Variants in JAG2 observed in about 807,000 individuals in gnomAD.
The protein encoded by JAG2 is jagged canonical Notch ligand 2.
Under a neutral mutation model 141.7 loss-of-function variants are expected in JAG2, and 46 were observed. The observed-to-expected ratio is 0.32, with a 90% CI of 0.26 to 0.42. The LOEUF is 0.42. Ranked by LOEUF, JAG2 falls within the 10% of genes least tolerant of loss-of-function variation. JAG2 has a pLI of 1.00. For missense variants in JAG2, 1,500 were observed against 1,817.5 expected, an observed-to-expected ratio of 0.83 and a Z score of 3.18; for synonymous variants, 862 against 763.5, an observed-to-expected ratio of 1.13 and a Z score of -2.13.
intron 2 of JAG2, among the ~76,000 whole-genome samples, chr14:105,164,812 G>T (rs909084873): frequency 6.6e-6 from 1 of 152,172 alleles, no homozygotes; most frequent in Admixed American, 6.5e-5. Context: ...ATCTGACTTC[G>T]TGAGACCTGC....
At chr14:105,165,781 C>T (rs1363670388) in intron 2 of JAG2, among the ~76,000 whole-genome samples, 1 of 152,224 alleles carries the variant, frequency 6.6e-6, no homozygotes, top group Non-Finnish European at 1.5e-5. Flanking sequence ...AAAAGCCCCA[C>T]GGGCCTGGGC....
intron 17 of JAG2, 99 bp downstream of exon 17, chr14:105,148,017 G>A (rs1160953181): frequency 3.4e-6 from 4 of 1,167,272 alleles, no homozygotes; most frequent in African/African-American, 1.5e-5. Flanking sequence ...GGTGGCAGGT[G>A]TGGCCCTCAA....
Position 105,151,372 on chromosome 14 carries a change from G to A in JAG2, c.1178C>T (p.Pro393Leu), listed in dbSNP as rs1888425541. ...ALDIDECASN[P>L]CAAGGTCVDQ... ...CACACAGGTGCCACCGGCCGCACAC[G>A]GGTTCGAAGCACACTCATCGATGTC... is the stretch of plus-strand genomic sequence containing the variant. The change falls in exon 9 of 26, where the codon CCG (proline) becomes CTG (leucine). Residue 393 changes from proline (P) to leucine (L), a missense_variant. Pro to Leu is a moderately conservative substitution (Grantham distance 98). Coordinates refer to ENST00000331782, the MANE Select transcript of JAG2 (RefSeq NM_002226.5). 6.2e-7 allele frequency: 1 copy of A among 1,611,760 alleles called. No individual in the cohort carries two copies. Among genetic ancestry groups the A allele is most frequent in the Non-Finnish European group, 8.5e-7 (1 of 1,179,960 alleles).
chr14:105,143,250 G>A, intron 25 of JAG2, 80 bp from the exon 26 acceptor site: 2 of 1,477,344 alleles, frequency 1.4e-6, no homozygotes, highest in Non-Finnish European at 1.8e-6. Flanking sequence ...AGGCCTGGGA[G>A]GGCCCTGCGG....
chr14:105,151,224 C>T, intron 9 of JAG2, 59 bp downstream of exon 9: 1 of 1,524,652 alleles, frequency 6.6e-7, no homozygotes, highest in East Asian at 2.4e-5. Context: ...GCAGCCCCAG[C>T]AGCCCCCGCA....
Position 105,146,433 on chromosome 14 carries a change from T to C in JAG2, c.2661A>G (p.Glu887=). ...TPFPHGSSWV[E]DCNSCRCLDG... ...CCAGGCAGCGGCAGCTGTTGCAGTC[T>C]TCCACCCAGGAGCTTCCGTGTGGGA... The change falls in exon 22 of 26, where the codon GAA becomes GAG. Residue 887 remains glutamate (E), a synonymous_variant. Coordinates refer to ENST00000331782, the MANE Select transcript of JAG2 (RefSeq NM_002226.5). The C allele has an allele frequency of 6.2e-7, 1 of 1,612,690 alleles. No homozygotes were observed. Among genetic ancestry groups the C allele is most frequent in the Non-Finnish European group, 8.5e-7 (1 of 1,179,876 alleles).
In JAG2 at chr14:105,142,011, G is replaced by A. The variant is rs1888071228; in HGVS notation, c.*684C>T. On this transcript the variant is annotated 3_prime_UTR_variant, in exon 26 of 26. Coordinates refer to ENST00000331782, the MANE Select transcript of JAG2 (RefSeq NM_002226.5). Reference sequence around the variant, plus strand: ...CTGGAGCGGGCGTTCTGGGCAGGAGGAAGCACAGACGGCAGGCAGGGTGGA... The same window carrying A: ...CTGGAGCGGGCGTTCTGGGCAGGAGAAAGCACAGACGGCAGGCAGGGTGGA... The A allele has an allele frequency of 6.5e-6, 1 of 152,896 alleles. No individual in the cohort carries two copies. Among genetic ancestry groups the A allele is most frequent in the Non-Finnish European group, 1.5e-5 (1 of 68,378 alleles). The allele number at this position is 152,896 out of a possible 1,614,324, so 9.5% of individuals were successfully genotyped here.
chr14:105,150,806 G>T, intron 11 of JAG2, 29 bp from the exon 12 acceptor site: 1 of 1,577,580 alleles, frequency 6.3e-7, no homozygotes. Flanking sequence ...TGAGCGTCCC[G>T]CAGGCACCCT....
At chr14:105,151,485 T>G in intron 8 of JAG2, 89 bp from the exon 9 acceptor site, 1 of 1,392,120 alleles carries the variant, frequency 7.2e-7, no homozygotes, top group Non-Finnish European at 1.0e-6. Context: ...AGCCTGGGTC[T>G]TCCTGCCATT....
chr14:105,143,147 C>A lies in JAG2; in HGVS notation c.3265G>T (p.Gly1089Cys), dbSNP rs587682736. Residue 1089 changes from glycine to cysteine, a missense_variant, in exon 26 of 26, where the codon GGT (glycine) becomes TGT (cysteine). Coordinates refer to ENST00000331782, the MANE Select transcript of JAG2 (RefSeq NM_002226.5). Reference sequence around the variant, plus strand: ...GCCAGCCACAGCACGCTGAAGGCACCACACAGCACAGGCACCAGCAGACCT... The same window carrying A: ...GCCAGCCACAGCACGCTGAAGGCACAACACAGCACAGGCACCAGCAGACCT... ...STGLLVPVLC[G>C]AFSVLWLACV... 60 of 1,598,474 alleles carry A rather than the reference C, an allele frequency of 3.8e-5. No individual in the cohort carries two copies. The highest frequency in any genetic ancestry group is 4.2e-5 in the Non-Finnish European group (50 of 1,179,686).
In JAG2 at chr14:105,141,580, AC is replaced by A. The variant is rs1240888896; in HGVS notation, c.*1114del. ...GCATTCGAGGCCCTGGCAGGCCCCG[AC>A]TCAACAGAACCGTCTCGCCCTCTAC... On this transcript the variant is annotated 3_prime_UTR_variant, in exon 26 of 26. Transcript: ENST00000331782. The A allele has an allele frequency of 6.6e-6, 1 of 151,932 alleles. No homozygotes were observed. The highest frequency in any genetic ancestry group is 1.5e-5 in the Non-Finnish European group (1 of 67,986). The allele number at this position is 151,932 out of a possible 1,614,324, so 9.4% of individuals were successfully genotyped here. A position where few individuals can be genotyped will look rare whatever the true frequency, so the allele number is the denominator to read the frequency against.
chr14:105,151,927 C>T lies in JAG2; in HGVS notation c.1039+11G>A. 3 of 1,612,788 alleles carry T rather than the reference C, an allele frequency of 1.9e-6. No homozygotes were observed. The South Asian group carries it at 3.3e-5, about 18-fold the overall frequency. On this transcript the variant is annotated intron_variant, in intron 7 of 25. Coordinates refer to ENST00000331782, the MANE Select transcript of JAG2 (RefSeq NM_002226.5). Reference sequence around the variant, plus strand: ...CCTGGCCAGAATTTGGGTGGCCAGCCCCCCACGTACCCTTCTCACAGTTCC... The same window carrying T: ...CCTGGCCAGAATTTGGGTGGCCAGCTCCCCACGTACCCTTCTCACAGTTCC...
At chr14:105,146,130 G>A (rs1261641123) in intron 22 of JAG2, among the ~76,000 whole-genome samples, 157 bp from the exon 23 acceptor site, 1 of 152,148 alleles carries the variant, frequency 6.6e-6, no homozygotes, top group Admixed American at 6.5e-5. Context: ...CCTACCCAGG[G>A]CTCCCAGGGA....
Position 105,142,677 on chromosome 14 carries a change from C to A in JAG2, c.*18G>T. 1 of 1,578,086 alleles carries A rather than the reference C, an allele frequency of 6.3e-7. No individual in the cohort carries two copies. On this transcript the variant is annotated 3_prime_UTR_variant, in exon 26 of 26. Coordinates refer to ENST00000331782, the MANE Select transcript of JAG2 (RefSeq NM_002226.5). ...TCCCACCGAGGGCCCTGGGTCCCGG[C>A]CCAGCTGGCAGCCGCCCCTACTCCT...
intron 2 of JAG2, among the ~76,000 whole-genome samples, chr14:105,165,445 G>T (rs1888880196): frequency 1.3e-5 from 2 of 152,212 alleles, no homozygotes; most frequent in Non-Finnish European, 2.9e-5. Flanking sequence ...GGGACGTCTG[G>T]GGGTGGAGCC....
rs760956324 is a variant in JAG2 at position 105,151,298 on chromosome 14, C to T, written c.1252G>A (p.Ala418Thr). Residue 418 changes from alanine (A) to threonine (T), a missense_variant, in exon 9 of 26, where the codon GCC (alanine) becomes ACC (threonine). Coordinates refer to ENST00000331782, the MANE Select transcript of JAG2 (RefSeq NM_002226.5). The part of the protein sequence containing the change: ...ECICPEQWVG[A>T]TCQLDANECE... ...GAGCCCTTACCCAGCTGGCAGGTGG[C>T]CCCCACCCACTGCTCGGGGCAGATG... 1 of 1,612,132 alleles carries T rather than the reference C, an allele frequency of 6.2e-7. No homozygotes were observed. The highest frequency in any genetic ancestry group is 1.1e-5 in the South Asian group (1 of 91,068).
rs1888197399 is a variant in JAG2 at position 105,145,601 on chromosome 14, C to T, written c.2952+130G>A. 2.4e-6 allele frequency: 3 copies of T among 1,238,712 alleles called. No homozygotes were observed. In the East Asian group the frequency reaches 7.7e-5, roughly 32 times the overall value. 76.7% of individuals were successfully genotyped at this position (1,238,712 alleles called of 1,614,324 possible). On this transcript the variant is annotated intron_variant, in intron 23 of 25. Transcript: ENST00000331782. ...TCTCATCTGACCCCACAGGGCCACT[C>T]TCTGTGACCAAGAGTGACTCTGCTC...
At chr14:105,147,983 C>A in intron 17 of JAG2, 95 bp from the exon 18 acceptor site, 1 of 1,189,530 alleles carries the variant, frequency 8.4e-7, no homozygotes, top group Non-Finnish European at 1.2e-6. Flanking sequence ...GGCAGACAGA[C>A]CCGGGGGCAG....
At chr14:105,161,734 T>C (rs1229700818) in intron 2 of JAG2, among the ~76,000 whole-genome samples, 1 of 152,106 alleles carries the variant, frequency 6.6e-6, no homozygotes, top group African/African-American at 2.4e-5. Flanking sequence ...CTTCTGTGAA[T>C]AACAACCTCT....
Sources: gnomAD v4.1 joint callset for allele counts (sites outside exome capture counted in the v4.1 genomes callset) on GRCh38, gnomAD v4.1.1 for gene constraint, MANE v1.5 for transcripts, NCBI Gene and HGNC (gene_info 2026-07-23, HGNC 2026-07-21) for gene names.